ROR1: variants seen among roughly 807,000 people sequenced by gnomAD.
The protein encoded by ROR1 is inactive tyrosine-protein kinase transmembrane receptor ROR1.
ROR1 carries 19 observed loss-of-function variants against 78.8 expected under a neutral mutation model. That is an observed-to-expected ratio of 0.24 (90% CI 0.17 to 0.35). The LOEUF (loss-of-function observed/expected upper bound fraction) is 0.35. Ranked by LOEUF, ROR1 falls within the 10% of genes least tolerant of loss-of-function variation. ROR1 has a pLI of 1.00. For synonymous variants in ROR1, 386 were observed against 433.6 expected (o/e 0.89, Z 1.36); for missense variants, 917 against 1,177.8 (o/e 0.78, Z 3.24).
At chr1:63,866,775 G>A (rs957555299) in intron 1 of ROR1, among the ~76,000 whole-genome samples, 3 of 152,142 alleles carry the variant, frequency 2.0e-5, no homozygotes, top group Admixed American at 2.0e-4. Flanking sequence ...AGAAGCTTTG[G>A]TTTATCTCAT....
chr1:64,037,371 A>G (rs746610876), intron 2 of ROR1, among the ~76,000 whole-genome samples: 6 of 152,210 alleles, frequency 3.9e-5, no homozygotes, highest in Non-Finnish European at 5.9e-5. Context: ...GACAACTGAT[A>G]GTTTCTGGCT....
At chr1:63,951,714 C>G (rs569277356) in intron 1 of ROR1, among the ~76,000 whole-genome samples, 3 of 152,140 alleles carry the variant, frequency 2.0e-5, no homozygotes, top group Non-Finnish European at 2.9e-5. Context: ...AGACACCCCC[C>G]CCTCACCACC....
intron 4 of ROR1, among the ~76,000 whole-genome samples, chr1:64,086,846 G>T (rs572079085): frequency 6.8e-4 from 103 of 152,136 alleles, no homozygotes; most frequent in African/African-American, 2.4e-3. Flanking sequence ...TGTTTATATT[G>T]TCTCATTAGT....
At chr1:64,075,200 C>T (rs74078012) in intron 4 of ROR1, among the ~76,000 whole-genome samples, 136 of 152,306 alleles carry the variant, frequency 8.9e-4, no homozygotes, top group African/African-American at 3.2e-3. Context: ...TCTTAATACA[C>T]ACCCTAAAAT....
intron 1 of ROR1, among the ~76,000 whole-genome samples, chr1:63,793,156 C>T (rs938548317): frequency 1.3e-5 from 2 of 152,100 alleles, no homozygotes; most frequent in East Asian, 3.9e-4. Context: ...CTGGATTAGG[C>T]GAGATGGGTA....
At chr1:64,104,832 G>A (rs1340004361) in intron 4 of ROR1, among the ~76,000 whole-genome samples, 1 of 152,164 alleles carries the variant, frequency 6.6e-6, no homozygotes, top group African/African-American at 2.4e-5. Context: ...TGGTGTATAT[G>A]TACCACATTT....
chr1:64,106,531 T>A (rs1174175561), intron 4 of ROR1: 1 of 152,202 alleles, frequency 6.6e-6, no homozygotes, highest in Non-Finnish European at 1.5e-5. Flanking sequence ...ATCCTTACCT[T>A]GTACTAGTAT....
intron 1 of ROR1, among the ~76,000 whole-genome samples, chr1:63,903,583 C>T (rs1427885683): frequency 6.6e-6 from 1 of 152,114 alleles, no homozygotes; most frequent in Non-Finnish European, 1.5e-5. Flanking sequence ...TTCCACCCTC[C>T]CATCATTTCC....
intron 1 of ROR1, among the ~76,000 whole-genome samples, chr1:63,853,925 T>C (rs374637637): frequency 1.3e-5 from 2 of 152,186 alleles, no homozygotes; most frequent in South Asian, 4.1e-4. Context: ...TACGGTTTCA[T>C]GTAAAGATCA....
intron 8 of ROR1, among the ~76,000 whole-genome samples, chr1:64,160,320 AAAATCTTGAAAAGATTTTT>A (rs1649902543): frequency 6.6e-6 from 1 of 152,108 alleles, no homozygotes; most frequent in South Asian, 2.1e-4. Flanking sequence ...TTTTATCTAA[AAAATCTTGAAAAGATTTTT>A]GCTATTATAA....
At chr1:63,795,696 A>G (rs926027019) in intron 1 of ROR1, among the ~76,000 whole-genome samples, 1 of 152,196 alleles carries the variant, frequency 6.6e-6, no homozygotes, top group African/African-American at 2.4e-5. Flanking sequence ...TACTCTTCAA[A>G]CACTTCACGT....
chr1:64,031,287 C>G (rs1035107332), intron 2 of ROR1, among the ~76,000 whole-genome samples: 2 of 152,176 alleles, frequency 1.3e-5, no homozygotes, highest in Admixed American at 6.5e-5. Context: ...GCTACACTGT[C>G]TGGGGAAGAA....
intron 1 of ROR1, among the ~76,000 whole-genome samples, chr1:63,870,877 T>G (rs1415225596): frequency 3.3e-5 from 5 of 152,064 alleles, no homozygotes; most frequent in African/African-American, 1.2e-4. Flanking sequence ...GGGGAACCAG[T>G]GGAGTAGAGG....
intron 1 of ROR1, among the ~76,000 whole-genome samples, chr1:63,938,868 C>T (rs900336631): frequency 6.6e-6 from 1 of 151,988 alleles, no homozygotes; most frequent in African/African-American, 2.4e-5. Flanking sequence ...TGTGGTGGCA[C>T]ATGCCTGTAG....
chr1:63,809,648 G>C (rs1474192799), intron 1 of ROR1, among the ~76,000 whole-genome samples: 1 of 152,132 alleles, frequency 6.6e-6, no homozygotes, highest in Admixed American at 6.5e-5. Context: ...CCATGGAAAG[G>C]CCAAGTTTTA....
chr1:64,076,474 C>T (rs946458537), intron 4 of ROR1, among the ~76,000 whole-genome samples: 1 of 152,114 alleles, frequency 6.6e-6, no homozygotes, highest in African/African-American at 2.4e-5. Flanking sequence ...AAGGAAAGAC[C>T]TCTGCATGCC....
intron 1 of ROR1, among the ~76,000 whole-genome samples, chr1:63,993,525 A>G (rs1203802717): frequency 6.6e-6 from 1 of 152,256 alleles, no homozygotes; most frequent in East Asian, 1.9e-4. Flanking sequence ...AAGAGTATGC[A>G]TACATAATGC....
chr1:64,075,322 G>T (rs951316843), intron 4 of ROR1, among the ~76,000 whole-genome samples: 3 of 152,174 alleles, frequency 2.0e-5, no homozygotes, highest in Non-Finnish European at 2.9e-5. Flanking sequence ...TATAGAGGGG[G>T]TTAAGATTAT....
intron 2 of ROR1, among the ~76,000 whole-genome samples, chr1:64,024,089 G>A (rs1352043058): frequency 1.3e-5 from 2 of 152,080 alleles, no homozygotes; most frequent in African/African-American, 4.8e-5. Context: ...GTTTCCTGAG[G>A]TTTCCCCGGC....
Sources: gnomAD v4.1 joint callset for allele counts (sites outside exome capture counted in the v4.1 genomes callset) on GRCh38, gnomAD v4.1.1 for gene constraint, MANE v1.5 for transcripts, NCBI Gene and HGNC (gene_info 2026-07-23, HGNC 2026-07-21) for gene names.